The following EML6 variants were observed in gnomAD, a reference collection of about 807,000 sequenced individuals.
EML6 encodes EMAP like 6.
In EML6, 154 loss-of-function variants were observed where a neutral mutation model predicts 240.1. That is an observed-to-expected ratio of 0.64 (90% CI 0.56 to 0.73). EML6 has a LOEUF of 0.73. Ranked by LOEUF, EML6 falls within the 30% of genes least tolerant of loss-of-function variation. The probability of loss-of-function intolerance (pLI) is 0.00; values close to 1 mark genes in which losing one functional copy is unlikely to be tolerated. For missense variants in EML6, 2,964 were observed against 2,474.6 expected, an observed-to-expected ratio of 1.20 and a Z score of -4.20; for synonymous variants, 1,148 against 899.0, an observed-to-expected ratio of 1.28 and a Z score of -4.95.
rs374300692 is a variant in EML6, at chr2:54,727,748, A to G, written c.197+2490A>G. Among the ~76,000 whole-genome samples, 159 of 152,364 alleles carry G rather than the reference A, an allele frequency of 1.0e-3. 2 individuals are homozygous for G. The South Asian group carries it at 0.03, about 29-fold the overall frequency. On this transcript the variant is annotated intron_variant, in intron 2 of 41. Transcript: ENST00000356458. ...GCATAAGTAATTGTCCACTTGGTAC[A>G]TAGCTTTTGCATTAGTTTGAAAGAT...
intron 20 of EML6, 75 bp downstream of exon 20, chr2:54,895,101 A>C: frequency 1.5e-6 from 2 of 1,347,628 alleles, no homozygotes; most frequent in Non-Finnish European, 2.1e-6. Context: ...GTTTTTAGAA[A>C]ACTATTAGCA....
chr2:54,920,096 C>G (rs868611212), intron 26 of EML6, among the ~76,000 whole-genome samples: 1 of 152,014 alleles, frequency 6.6e-6, no homozygotes, highest in Admixed American at 6.6e-5. Context: ...CTCAAATAAC[C>G]TAACTTTACA....
intron 24 of EML6, among the ~76,000 whole-genome samples, chr2:54,908,237 T>C (rs968820014): frequency 1.0e-3 from 155 of 149,676 alleles, no homozygotes; most frequent in African/African-American, 3.6e-3. Flanking sequence ...TGAGACAGGG[T>C]CCCACTCTGT....
chr2:54,734,790 T>C (rs1056487622), intron 2 of EML6, among the ~76,000 whole-genome samples: 3 of 152,228 alleles, frequency 2.0e-5, no homozygotes, highest in Non-Finnish European at 4.4e-5. Context: ...GAGTGAACCG[T>C]TGGATGATTT....
Position 54,853,691 on chromosome 2 carries a change from C to G in EML6, c.1493C>G (p.Ala498Gly), listed in dbSNP as rs1475888859. ...GAAGAAATTAAAGGGATTCCTTGGG[C>G]CTCCTGGACATGCGTGAAAGGCCCT... Reference protein sequence around the residue: ...SKEEIKGIPWASWTCVKGPEV... With the variant: ...SKEEIKGIPWGSWTCVKGPEV... The change falls in exon 11 of 42, where the codon GCC becomes GGC. Residue 498 changes from alanine to glycine, a missense_variant. Coordinates refer to ENST00000356458, the MANE Select transcript of EML6 (RefSeq NM_001039753.4). The G allele has an allele frequency of 1.3e-6, 2 of 1,549,980 alleles. No individual in the cohort carries two copies. The highest frequency in any genetic ancestry group is 2.4e-5 in the South Asian group (2 of 83,732).
chr2:54,837,273 C>G (rs1486573615), intron 7 of EML6, among the ~76,000 whole-genome samples: 1 of 152,198 alleles, frequency 6.6e-6, no homozygotes, highest in African/African-American at 2.4e-5. Flanking sequence ...ATTAACTCCA[C>G]ACTTGAACTG....
At chr2:54,789,534 A>AAAG in intron 2 of EML6, among the ~76,000 whole-genome samples, 1 of 149,034 alleles carries the variant, frequency 6.7e-6, no homozygotes, top group East Asian at 1.9e-4. Flanking sequence ...AAAAAAAAAA[A>AAAG]AAAAAAAAAA....
chr2:54,926,775 C>T (rs762058632), intron 26 of EML6, among the ~76,000 whole-genome samples: 9 of 152,082 alleles, frequency 5.9e-5, no homozygotes, highest in East Asian at 1.9e-4. Context: ...TGAATTTTTT[C>T]CTCTCTCTTT....
chr2:54,789,536 A>G (rs1451785518), intron 2 of EML6, among the ~76,000 whole-genome samples: 2 of 149,282 alleles, frequency 1.3e-5, no homozygotes, highest in South Asian at 2.1e-4. Context: ...AAAAAAAAAA[A>G]AAAAAAAAAA....
intron 2 of EML6, among the ~76,000 whole-genome samples, chr2:54,764,499 T>C (rs1668103188): frequency 6.6e-6 from 1 of 152,252 alleles, no homozygotes; most frequent in South Asian, 2.1e-4. Flanking sequence ...GTGCATTAAC[T>C]TTAAATTGCA....
At chr2:54,800,488 C>G (rs958975144) in intron 2 of EML6, among the ~76,000 whole-genome samples, 1 of 152,016 alleles carries the variant, frequency 6.6e-6, no homozygotes, top group Non-Finnish European at 1.5e-5. Context: ...CAAACATATC[C>G]TAAAATAATC....
At chr2:54,884,124 G>C (rs559899779) in intron 17 of EML6, among the ~76,000 whole-genome samples, 14 of 152,236 alleles carry the variant, frequency 9.2e-5, no homozygotes, top group African/African-American at 3.1e-4. Flanking sequence ...CACAGGTTGA[G>C]GGCTCAGTTT....
At chr2:54,804,479 A>C (rs913128771) in intron 2 of EML6, among the ~76,000 whole-genome samples, 12 of 152,192 alleles carry the variant, frequency 7.9e-5, no homozygotes, top group Non-Finnish European at 4.4e-5. Context: ...ATGCTGATCA[A>C]ATTCTTTTAT....
intron 26 of EML6, among the ~76,000 whole-genome samples, chr2:54,924,129 T>C (rs7591022): frequency 0.37 from 56,229 of 152,050 alleles, 10,840 homozygotes; most frequent in East Asian, 0.55. Context: ...TAGGTAAATA[T>C]ATAGGAGTGG....
rs1291248183 is a variant in EML6, at chr2:54,924,479, G to T, written c.3676-3834G>T. On this transcript the variant is annotated intron_variant, in intron 26 of 41. Transcript: ENST00000356458. ...CTTGAGTTCTCTATTTCTTCAATCA[G>T]ATTGAAGAAATAGGTTCATGGCTTA... is the stretch of plus-strand genomic sequence containing the variant. 2.0e-5 allele frequency among the ~76,000 whole-genome samples: 3 copies of T among 152,040 alleles called. No individual in the cohort carries two copies. The East Asian group carries it at 5.8e-4, about 29-fold the overall frequency.
rs1228360692 is a variant in EML6 at position 54,971,748 on chromosome 2, C to T, written c.*1653C>T. The T allele has an allele frequency of 6.6e-6, 1 of 152,130 alleles. No homozygotes were observed. The highest frequency in any genetic ancestry group is 2.4e-5 in the African/African-American group (1 of 41,420). The allele number at this position is 152,130 out of a possible 1,614,324, so 9.4% of individuals were successfully genotyped here. A position where few individuals can be genotyped will look rare whatever the true frequency, so the allele number is the denominator to read the frequency against. Reference sequence around the variant, plus strand: ...CCTATCTTGTACTAGACTCTTCATGCTGATCGGATCTTGCATTGAAATAAC... The same window carrying T: ...CCTATCTTGTACTAGACTCTTCATGTTGATCGGATCTTGCATTGAAATAAC... On this transcript the variant is annotated 3_prime_UTR_variant, in exon 42 of 42. Coordinates refer to ENST00000356458, the MANE Select transcript of EML6 (RefSeq NM_001039753.4).
intron 21 of EML6, among the ~76,000 whole-genome samples, chr2:54,896,141 C>T (rs1405626749): frequency 6.6e-6 from 1 of 152,182 alleles, no homozygotes; most frequent in East Asian, 1.9e-4. Flanking sequence ...TTTACCTCCA[C>T]CTCCAAGGTC....
chr2:54,887,453 T>C (rs1456149615), intron 17 of EML6, among the ~76,000 whole-genome samples: 3 of 152,254 alleles, frequency 2.0e-5, no homozygotes, highest in Admixed American at 6.5e-5. Flanking sequence ...CTGATTTTTT[T>C]CCCAGTTTGT....
intron 7 of EML6, among the ~76,000 whole-genome samples, chr2:54,838,850 T>C (rs754074878): frequency 1.3e-5 from 2 of 152,220 alleles, no homozygotes; most frequent in African/African-American, 2.4e-5. Flanking sequence ...TGAAACGCCT[T>C]CAGTTCACAG....
Sources: gnomAD v4.1 joint callset for allele counts (sites outside exome capture counted in the v4.1 genomes callset) on GRCh38, gnomAD v4.1.1 for gene constraint, MANE v1.5 for transcripts, NCBI Gene and HGNC (gene_info 2026-07-23, HGNC 2026-07-21) for gene names.